CLN3: variants seen among roughly 807,000 people sequenced by gnomAD.
The protein encoded by CLN3 is CLN3 lysosomal/endosomal transmembrane protein, battenin.
Under a neutral mutation model 60.7 loss-of-function variants are expected in CLN3, and 49 were observed. The observed-to-expected ratio is 0.81, with a 90% CI of 0.64 to 1.02. The LOEUF is 1.02. Ranked by LOEUF, CLN3 falls within the 50% of genes least tolerant of loss-of-function variation. CLN3 has a pLI of 0.00. For missense variants in CLN3, 516 were observed against 557.4 expected, an observed-to-expected ratio of 0.93 and a Z score of 0.75; for synonymous variants, 256 against 245.8, an observed-to-expected ratio of 1.04 and a Z score of -0.39.
intron 7 of CLN3, chr16:28,487,240 A>C (rs1303907840): frequency 3.2e-6 from 2 of 628,122 alleles, no homozygotes; most frequent in Non-Finnish European, 5.8e-6. Flanking sequence ...TGTTCACCTC[A>C]ATCTCCATCT....
At chr16:28,491,413 TC>T in intron 3 of CLN3, 68 bp downstream of exon 3, 1 of 1,574,622 alleles carries the variant, frequency 6.4e-7, no homozygotes, top group Non-Finnish European at 8.6e-7. Flanking sequence ...AACTCTTTCT[TC>T]CCCCTTTCCT....
intron 10 of CLN3, 59 bp downstream of exon 10, chr16:28,483,946 AG>A: frequency 8.2e-7 from 1 of 1,222,270 alleles, no homozygotes; most frequent in Non-Finnish European, 1.2e-6. Flanking sequence ...TATTGCAGAG[AG>A]GAAAAGGCCA....
chr16:28,473,492 G>A (rs1439272132), downstream of CLN3, among the ~76,000 whole-genome samples: 1 of 152,032 alleles, frequency 6.6e-6, no homozygotes, highest in Non-Finnish European at 1.5e-5. Flanking sequence ...GCCTCCCAAA[G>A]TGCTGGGATT....
rs2046216954 is a variant in CLN3 at position 28,486,335 on chromosome 16, A to G, written c.677+12T>C. 1.9e-6 allele frequency: 3 copies of G among 1,611,808 alleles called. No homozygotes were observed. The East Asian group carries it at 6.7e-5, about 36-fold the overall frequency. On this transcript the variant is annotated intron_variant, in intron 9 of 15. Transcript: ENST00000636147. Reference sequence around the variant, plus strand: ...CTTGGACCCCTCTCCCTCCCGGCTCAGGGCAGCTCACCTGGCCAGCAGCAG... The same window carrying G: ...CTTGGACCCCTCTCCCTCCCGGCTCGGGGCAGCTCACCTGGCCAGCAGCAG...
chr16:28,472,588 C>T (rs989950100), downstream of CLN3, among the ~76,000 whole-genome samples: 1 of 151,498 alleles, frequency 6.6e-6, no homozygotes, highest in Non-Finnish European at 1.5e-5. Context: ...CGCCTGTAAT[C>T]CCAGCACTTT....
In CLN3 at chr16:28,477,814, C is replaced by T. The variant is rs759049027; in HGVS notation, c.1120G>A (p.Val374Ile). ...WFGFLPSIYL[V>I]FLIILYEGLL... ...CCCTCATACAGAATGATCAGGAAGA[C>T]GAGGTAGATGCTTGGCAGAAAGCCG... The change falls in exon 15 of 16, where the codon GTC (valine) becomes ATC (isoleucine). Residue 374 changes from valine (V) to isoleucine (I), a missense_variant. By Grantham distance (29) the Val-to-Ile change is conservative. Transcript: ENST00000636147. 2.0e-5 allele frequency: 32 copies of T among 1,614,050 alleles called. No homozygotes were observed. Among genetic ancestry groups the T allele is most frequent in the African/African-American group, 1.5e-4 (11 of 74,922 alleles).
chr16:28,491,983 C>A (rs2046323275), intron 1 of CLN3, 37 bp downstream of exon 1: 1 of 628,434 alleles, frequency 1.6e-6, no homozygotes, highest in Non-Finnish European at 2.8e-6. Flanking sequence ...CGTACTCTCC[C>A]CCGCCCCGTC....
downstream of CLN3, among the ~76,000 whole-genome samples, chr16:28,473,749 GCT>G (rs976362405): frequency 1.3e-5 from 2 of 151,976 alleles, no homozygotes; most frequent in African/African-American, 4.8e-5. Flanking sequence ...CAGATCTCTG[GCT>G]CTTTAATAAA....
At position 28,484,049 on chromosome 16, in the gene CLN3, G is replaced by A. The variant is rs1415216816; in HGVS notation, c.747C>T (p.Ala249=). 5 of 1,612,548 alleles carry A rather than the reference G, an allele frequency of 3.1e-6. No homozygotes were observed. Among genetic ancestry groups the A allele is most frequent in the Non-Finnish European group, 3.4e-6 (4 of 1,179,404 alleles). The part of the protein sequence containing the change: ...PGGEEEAESA[A]RQPLIRTEAP... Reference sequence around the variant, plus strand: ...CCTCGGTTCTTATGAGGGGCTGCCGGGCTGCGCTCTCTGCTTCTTCTTCCC... The same window carrying A: ...CCTCGGTTCTTATGAGGGGCTGCCGAGCTGCGCTCTCTGCTTCTTCTTCCC... Residue 249 remains alanine, a synonymous_variant, in exon 10 of 16, where the codon GCC becomes GCT. Coordinates refer to ENST00000636147, the MANE Select transcript of CLN3 (RefSeq NM_001042432.2).
downstream of CLN3, chr16:28,470,406 GA>G (rs1437397911): frequency 6.3e-7 from 1 of 1,583,290 alleles, no homozygotes; most frequent in African/African-American, 1.5e-5. Flanking sequence ...ATCCCAGCAG[GA>G]GCCAAATGAG....
At chr16:28,478,572 T>G (rs577278632) in intron 14 of CLN3, among the ~76,000 whole-genome samples, 10 of 136,660 alleles carry the variant, frequency 7.3e-5, no homozygotes, top group African/African-American at 2.9e-4. Context: ...GCTATGATTG[T>G]GCCACTGCAC....
At chr16:28,488,127 A>C (rs2046252613) in intron 5 of CLN3, 2 of 208,846 alleles carry the variant, frequency 9.6e-6, no homozygotes, top group African/African-American at 2.3e-5. Flanking sequence ...TACAACCTCC[A>C]CCTCCTGGGT....
intron 3 of CLN3, chr16:28,491,154 T>C (rs1048320239): frequency 1.1e-5 from 4 of 353,282 alleles, no homozygotes; most frequent in Non-Finnish European, 1.5e-5. Flanking sequence ...AAACGTTCAC[T>C]AGGAAAACGC....
At chr16:28,483,171 G>A (rs2046133509) in intron 10 of CLN3, among the ~76,000 whole-genome samples, 1 of 152,106 alleles carries the variant, frequency 6.6e-6, no homozygotes, top group Non-Finnish European at 1.5e-5. Context: ...ACTTTATCAT[G>A]ATGAAAATAA....
At chr16:28,475,545 C>A (rs935227011), downstream of CLN3, 10 of 152,238 alleles carry the variant, frequency 6.6e-5, no homozygotes, top group African/African-American at 2.4e-4. Context: ...TCAGTTCCTT[C>A]TGCCCCCAAA....
chr16:28,483,460 GATCC>G (rs2046139831), intron 10 of CLN3, among the ~76,000 whole-genome samples: 1 of 152,054 alleles, frequency 6.6e-6, no homozygotes, highest in Admixed American at 6.6e-5. Context: ...GATCTCAAAT[GATCC>G]ATCTGCCTCA....
intron 10 of CLN3, among the ~76,000 whole-genome samples, chr16:28,483,065 T>C (rs1008695958): frequency 2.0e-5 from 3 of 151,012 alleles, no homozygotes; most frequent in African/African-American, 7.3e-5. Context: ...GATTGCGCCA[T>C]TGCACTCCAG....
At chr16:28,488,744 T>G (rs1416818873) in intron 4 of CLN3, 82 bp from the exon 5 acceptor site, 1 of 1,374,720 alleles carries the variant, frequency 7.3e-7, no homozygotes, top group African/African-American at 1.4e-5. Flanking sequence ...AGCTCTGCCT[T>G]CACTTGAAGG....
intron 3 of CLN3, among the ~76,000 whole-genome samples, chr16:28,489,982 G>A (rs1193720166): frequency 1.3e-5 from 2 of 150,076 alleles, no homozygotes; most frequent in South Asian, 2.1e-4. Context: ...ACTTGAACCC[G>A]AAAGGCGGAG....
Sources: allele counts gnomAD v4.1 joint callset (sites outside exome capture counted in the v4.1 genomes callset), GRCh38; gene constraint gnomAD v4.1.1; transcripts MANE v1.5; gene names NCBI Gene and HGNC (gene_info 2026-07-23, HGNC 2026-07-21).